The following NBAS variants were observed in gnomAD, a reference collection of about 807,000 sequenced individuals.
NBAS encodes the protein NBAS subunit of NRZ tethering complex.
A neutral mutation model predicts 302.5 loss-of-function variants in NBAS; 219 were observed. The observed-to-expected ratio is 0.72, with a 90% CI of 0.65 to 0.81. The LOEUF (loss-of-function observed/expected upper bound fraction) is 0.81. NBAS is among the 30% of genes least tolerant of loss of function. The pLI is 0.00. For missense variants in NBAS, 2,932 were observed against 2,841.6 expected, an observed-to-expected ratio of 1.03 and a Z score of -0.72; for synonymous variants, 1,118 against 1,021.6, an observed-to-expected ratio of 1.09 and a Z score of -1.80.
chr2:15,351,159 T>C (rs1034523263), intron 35 of NBAS, among the ~76,000 whole-genome samples: 4 of 152,196 alleles, frequency 2.6e-5, no homozygotes, highest in African/African-American at 9.6e-5. Flanking sequence ...TAAAAATGAA[T>C]AAACTACAGC....
At chr2:14,811,079 C>T in the NBAS span, among the ~76,000 whole-genome samples, 1 of 152,100 alleles carries the variant, frequency 6.6e-6, no homozygotes, top group South Asian at 2.1e-4. Flanking sequence ...AAGATAGTGG[C>T]TAATGATATA....
At chr2:15,282,713 G>T (rs1669877537) in intron 42 of NBAS, among the ~76,000 whole-genome samples, 1 of 152,188 alleles carries the variant, frequency 6.6e-6, no homozygotes, top group Non-Finnish European at 1.5e-5. Flanking sequence ...AGGATGTTTG[G>T]CCTTGAAATC....
intron 24 of NBAS, among the ~76,000 whole-genome samples, chr2:15,416,661 C>T (rs1317993974): frequency 2.0e-5 from 3 of 151,712 alleles, no homozygotes; most frequent in Non-Finnish European, 4.4e-5. Context: ...CAAAAATTAG[C>T]CTGGTGTGGT....
the NBAS span, among the ~76,000 whole-genome samples, chr2:15,116,750 C>T: frequency 2.0e-5 from 3 of 152,134 alleles, no homozygotes; most frequent in Non-Finnish European, 4.4e-5. Flanking sequence ...GTAGTAAAAG[C>T]ATTATTACAT....
intron 26 of NBAS, among the ~76,000 whole-genome samples, chr2:15,400,962 G>A (rs1015878898): frequency 4.6e-5 from 7 of 152,134 alleles, no homozygotes; most frequent in Admixed American, 6.6e-5. Context: ...CTAAAAGACT[G>A]ATTAGACTCA....
intron 48 of NBAS, among the ~76,000 whole-genome samples, chr2:15,205,415 T>C (rs1666092621): frequency 6.6e-6 from 1 of 151,682 alleles, no homozygotes; most frequent in Admixed American, 6.6e-5. Context: ...TACTTATCAA[T>C]AATAACCTTG....
the NBAS span, among the ~76,000 whole-genome samples, chr2:14,780,040 C>A: frequency 6.6e-6 from 1 of 152,180 alleles, no homozygotes; most frequent in Non-Finnish European, 1.5e-5. Context: ...TCAGTCTCCT[C>A]TTTTTTCTGC....
the NBAS span, among the ~76,000 whole-genome samples, chr2:14,947,912 G>C: frequency 6.6e-6 from 1 of 151,882 alleles, no homozygotes; most frequent in East Asian, 1.9e-4. Flanking sequence ...TTAATGTGAT[G>C]TATCATTATT....
chr2:15,194,285 A>C (rs1345169438), intron 48 of NBAS, among the ~76,000 whole-genome samples: 1 of 152,182 alleles, frequency 6.6e-6, no homozygotes, highest in Non-Finnish European at 1.5e-5. Context: ...AAAAGTAGGT[A>C]GAAAAAGAAA....
At chr2:15,240,518 G>A (rs1353917056) in intron 44 of NBAS, among the ~76,000 whole-genome samples, 1 of 151,854 alleles carries the variant, frequency 6.6e-6, no homozygotes, top group African/African-American at 2.4e-5. Flanking sequence ...TCAGGAGGCT[G>A]CGGCAGGAGA....
At chr2:15,382,324 CAT>C (rs1264678154) in intron 29 of NBAS, among the ~76,000 whole-genome samples, 1 of 152,116 alleles carries the variant, frequency 6.6e-6, no homozygotes, top group Non-Finnish European at 1.5e-5. Flanking sequence ...CTTTATATTC[CAT>C]ATGTTATAAT....
At chr2:15,306,003 C>T (rs769018752) in intron 40 of NBAS, among the ~76,000 whole-genome samples, 2 of 152,164 alleles carry the variant, frequency 1.3e-5, no homozygotes, top group African/African-American at 2.4e-5. Flanking sequence ...CAATAAGGTA[C>T]TATGCATTTG....
chr2:15,310,246 C>T (rs920251213), intron 38 of NBAS, among the ~76,000 whole-genome samples: 3 of 152,134 alleles, frequency 2.0e-5, no homozygotes, highest in African/African-American at 7.2e-5. Context: ...CAGAGGCTGA[C>T]CTAGAACTCT....
rs767400872 is a variant in NBAS, at chr2:15,468,400, T to C, written c.1859A>G (p.Lys620Arg). The change falls in exon 17 of 52, where the codon AAA (lysine) becomes AGA (arginine). Residue 620 changes from lysine to arginine, a missense_variant. Physicochemically the swap from Lys to Arg is conservative, Grantham distance 26. Transcript: ENST00000281513. ...AACCAACCTGCCATCATCTGCTCCT[T>C]TCCCTATTGCTAAAAGAGCCTCCAG... ...TDLEALLAIG[K>R]GADDGRFTLP... 41 of 1,614,096 alleles carry C rather than the reference T, an allele frequency of 2.5e-5. No homozygotes were observed. In the South Asian group the frequency reaches 4.4e-4, roughly 17 times the overall value.
intron 48 of NBAS, among the ~76,000 whole-genome samples, chr2:15,211,614 G>A (rs1054987466): frequency 5.3e-5 from 8 of 151,912 alleles, no homozygotes; most frequent in Non-Finnish European, 7.4e-5. Context: ...TCGCTTATCC[G>A]TAGGAGGATT....
In NBAS at chr2:15,475,717, A is replaced by G. The variant is rs757799044; in HGVS notation, c.1311T>C (p.Ala437=). ...AACTTAAAAATCCCCCATCATGGGT[A>G]GCAGTGACTTGAGGTGATGGTTCAA... is the stretch of plus-strand genomic sequence containing the variant. ...EWFEPSPQVT[A]THDGGFLSLE... The change falls in exon 14 of 52, where the codon GCT becomes GCC. Residue 437 remains alanine (A), a synonymous_variant. Transcript: ENST00000281513. The G allele has an allele frequency of 6.2e-7, 1 of 1,614,148 alleles. No individual in the cohort carries two copies. The highest frequency in any genetic ancestry group is 8.5e-7 in the Non-Finnish European group (1 of 1,179,996).
the NBAS span, among the ~76,000 whole-genome samples, chr2:15,041,926 C>T: frequency 6.6e-5 from 10 of 152,150 alleles, no homozygotes; most frequent in South Asian, 2.1e-4. Flanking sequence ...TGAGAGCACA[C>T]GTTCCCAAGT....
At chr2:14,871,696 G>A in the NBAS span, among the ~76,000 whole-genome samples, 1 of 152,032 alleles carries the variant, frequency 6.6e-6, no homozygotes, top group African/African-American at 2.4e-5. Flanking sequence ...TATATAATAT[G>A]TTGTAATATT....
intron 18 of NBAS, 95 bp downstream of exon 18, chr2:15,467,568 TA>T: frequency 7.3e-7 from 1 of 1,370,096 alleles, no homozygotes; most frequent in Non-Finnish European, 1.0e-6. Flanking sequence ...TCTAAGTTGC[TA>T]AAATAATTTG....
Sources: gnomAD v4.1 joint callset for allele counts (sites outside exome capture counted in the v4.1 genomes callset) on GRCh38, gnomAD v4.1.1 for gene constraint, MANE v1.5 for transcripts, NCBI Gene and HGNC (gene_info 2026-07-23, HGNC 2026-07-21) for gene names.